The following IRAK3 variants were observed in gnomAD, a reference collection of about 807,000 sequenced individuals.
IRAK3 encodes interleukin 1 receptor associated kinase 3, also known as interleukin-1 receptor-associated kinase 3.
IRAK3 carries 57 observed loss-of-function variants against 56.6 expected under a neutral mutation model. The observed-to-expected ratio is 1.01, with a 90% CI of 0.81 to 1.26. The LOEUF is 1.26. Among genes scored for constraint, IRAK3 ranks in the 50% most tolerant of loss-of-function variants. The pLI, the probability that IRAK3 is intolerant of heterozygous loss-of-function variation, is 0.00. For synonymous variants in IRAK3, 258 were observed against 255.7 expected (o/e 1.01, Z -0.09); for missense variants, 703 against 719.0 (o/e 0.98, Z 0.25).
intron 5 of IRAK3, among the ~76,000 whole-genome samples, chr12:66,215,272 C>G (rs1042655676): frequency 6.6e-6 from 1 of 152,192 alleles, no homozygotes; most frequent in Non-Finnish European, 1.5e-5. Flanking sequence ...CTTTCCTACT[C>G]TCTCTGCAGC....
intron 1 of IRAK3, chr12:66,198,120 G>T: frequency 1.0e-6 from 1 of 983,990 alleles, no homozygotes; most frequent in African/African-American, 1.7e-5. Context: ...ATTGCCACCC[G>T]ATGCATCTTC....
Position 66,203,864 on chromosome 12 carries a change from G to A in IRAK3, c.287G>A (p.Arg96His), listed in dbSNP as rs145220063. Residue 96 changes from arginine (R) to histidine (H), a missense_variant, in exon 2 of 12, where the codon CGT becomes CAT. Arg to His is a conservative substitution (Grantham distance 29, BLOSUM62 0). Coordinates refer to ENST00000261233, the MANE Select transcript of IRAK3 (RefSeq NM_007199.3). ...LLQVLQEMGH[R>H]RAIHLITNYG... ...CAGGTCCTCCAGGAGATGGGACATC[G>A]TCGAGCTATTCATTTAATTACAAAC... is the stretch of plus-strand genomic sequence containing the variant. 1,692 of 1,613,878 alleles carry A rather than the reference G, an allele frequency of 1.0e-3. 3 individuals carry two copies. Among genetic ancestry groups the A allele is most frequent in the Admixed American group, 1.4e-3 (86 of 59,996 alleles).
At chr12:66,211,033 G>A (rs1193262460) in intron 4 of IRAK3, among the ~76,000 whole-genome samples, 3 of 152,190 alleles carry the variant, frequency 2.0e-5, no homozygotes, top group Non-Finnish European at 4.4e-5. Context: ...CACATGAGAA[G>A]TGTTTCTATC....
At chr12:66,214,616 T>G (rs1314299762) in intron 5 of IRAK3, among the ~76,000 whole-genome samples, 1 of 152,032 alleles carries the variant, frequency 6.6e-6, no homozygotes, top group Non-Finnish European at 1.5e-5. Flanking sequence ...ATTTCAGATG[T>G]GCAAACCAAG....
chr12:66,230,613 C>T (rs2052834570), intron 8 of IRAK3, among the ~76,000 whole-genome samples: 1 of 150,748 alleles, frequency 6.6e-6, no homozygotes, highest in South Asian at 2.1e-4. Flanking sequence ...TTAGCCAACT[C>T]TTACTGCTGG....
At chr12:66,229,618 T>C (rs1163133609) in intron 8 of IRAK3, among the ~76,000 whole-genome samples, 1 of 152,174 alleles carries the variant, frequency 6.6e-6, no homozygotes, top group Non-Finnish European at 1.5e-5. Flanking sequence ...AGTGTGGCAA[T>C]CCAGCAACTG....
chr12:66,242,037 A>C (rs916131649), intron 8 of IRAK3, among the ~76,000 whole-genome samples: 2 of 151,992 alleles, frequency 1.3e-5, no homozygotes, highest in African/African-American at 2.4e-5. Flanking sequence ...CAGTCTCATG[A>C]TTCTGGCATT....
intron 8 of IRAK3, 72 bp downstream of exon 8, chr12:66,228,442 C>A (rs2136939733): frequency 1.0e-6 from 1 of 968,234 alleles, no homozygotes; most frequent in East Asian, 2.4e-5. Flanking sequence ...ATACTTCACA[C>A]TATTCTCTGC....
intron 8 of IRAK3, among the ~76,000 whole-genome samples, chr12:66,238,144 G>A (rs1357705008): frequency 6.6e-6 from 1 of 152,178 alleles, no homozygotes; most frequent in Non-Finnish European, 1.5e-5. Flanking sequence ...AAATAAAGCA[G>A]GGGAGAGTAT....
intron 1 of IRAK3, among the ~76,000 whole-genome samples, chr12:66,192,812 A>G (rs1218338069): frequency 6.6e-6 from 1 of 152,160 alleles, no homozygotes; most frequent in African/African-American, 2.4e-5. Flanking sequence ...CAACAATTCT[A>G]TCAGGTAGAC....
At chr12:66,246,529 T>A (rs1246005899) in intron 11 of IRAK3, among the ~76,000 whole-genome samples, 1 of 151,720 alleles carries the variant, frequency 6.6e-6, no homozygotes, top group Admixed American at 6.6e-5. Context: ...CCCGTGAGAG[T>A]TGTGTGGAGC....
Position 66,249,682 on chromosome 12 carries a change from C to T in IRAK3, c.*1511C>T, listed in dbSNP as rs1309922302. 6.6e-6 allele frequency: 1 copy of T among 152,628 alleles called. No individual in the cohort carries two copies. Among genetic ancestry groups the T allele is most frequent in the Non-Finnish European group, 1.5e-5 (1 of 68,052 alleles). 9.5% of individuals were successfully genotyped at this position (152,628 alleles called of 1,614,324 possible). On this transcript the variant is annotated 3_prime_UTR_variant, in exon 12 of 12. Coordinates refer to ENST00000261233, the MANE Select transcript of IRAK3 (RefSeq NM_007199.3). ...CCACCTGCCTTCTTTGGCTCATGGC[C>T]TCTTCCTCCGTCTTCAAAGCCAGCA... is the stretch of plus-strand genomic sequence containing the variant.
chr12:66,205,997 T>C (rs2052554714), intron 2 of IRAK3, among the ~76,000 whole-genome samples: 1 of 152,196 alleles, frequency 6.6e-6, no homozygotes, highest in African/African-American at 2.4e-5. Context: ...TCCTTATGTA[T>C]CACATTTTGT....
chr12:66,246,668 AGGCT>A (rs2053036267), intron 11 of IRAK3, among the ~76,000 whole-genome samples: 1 of 152,250 alleles, frequency 6.6e-6, no homozygotes, highest in Admixed American at 6.5e-5. Context: ...TCTGAGCCTC[AGGCT>A]TTATCATCTA....
At position 66,250,652 on chromosome 12, in the gene IRAK3, A is replaced by C. The variant is rs1278644482; in HGVS notation, c.*2481A>C. The C allele has an allele frequency of 6.6e-6, 1 of 152,256 alleles. No homozygotes were observed. The highest frequency in any genetic ancestry group is 2.4e-5 in the African/African-American group (1 of 41,458). The allele number at this position is 152,256 out of a possible 1,614,324, so 9.4% of individuals were successfully genotyped here. A position where few individuals can be genotyped will look rare whatever the true frequency, so the allele number is the denominator to read the frequency against. On this transcript the variant is annotated 3_prime_UTR_variant, in exon 12 of 12. Coordinates refer to ENST00000261233, the MANE Select transcript of IRAK3 (RefSeq NM_007199.3). ...TTAGAATATGGACCCCCACCAATACATTCAATGAAGGGTCATTAAGGAAGC... is the reference window on the plus strand; with the variant it reads ...TTAGAATATGGACCCCCACCAATACCTTCAATGAAGGGTCATTAAGGAAGC...
chr12:66,228,691 A>G (rs551268203), intron 8 of IRAK3, among the ~76,000 whole-genome samples: 54 of 152,254 alleles, frequency 3.5e-4, no homozygotes, highest in African/African-American at 4.3e-4. Context: ...TTACTTTACA[A>G]TGGCACAAAA....
Position 66,216,815 on chromosome 12 carries a change from C to G in IRAK3, c.589-356C>G, listed in dbSNP as rs757391445. Among the ~76,000 whole-genome samples the G allele has an allele frequency of 2.0e-5, 3 of 152,256 alleles. No homozygotes were observed. The Middle Eastern group carries it at 0.01, about 518-fold the overall frequency. ...ATTTTGTAGCAGAATAGAAATAACA[C>G]AAGTTGGATTCTTTATAAGATCAAG... On this transcript the variant is annotated intron_variant, in intron 5 of 11. Transcript: ENST00000261233.
intron 5 of IRAK3, among the ~76,000 whole-genome samples, chr12:66,215,786 G>GCGCACACA (rs1555203499): frequency 8.1e-6 from 1 of 122,834 alleles, no homozygotes; most frequent in Non-Finnish European, 1.7e-5. Context: ...AACCCAACAT[G>GCGCACACA]CACACACACA....
intron 1 of IRAK3, among the ~76,000 whole-genome samples, chr12:66,200,840 T>G (rs908365601): frequency 6.6e-6 from 1 of 152,176 alleles, no homozygotes; most frequent in African/African-American, 2.4e-5. Flanking sequence ...AAACAGAGTC[T>G]CACTCTGTTG....
Sources: allele counts gnomAD v4.1 joint callset (sites outside exome capture counted in the v4.1 genomes callset), GRCh38; gene constraint gnomAD v4.1.1; transcripts MANE v1.5; gene names NCBI Gene and HGNC (gene_info 2026-07-23, HGNC 2026-07-21).